Variants in PITPNC1 observed in about 807,000 individuals in gnomAD.
PITPNC1 encodes the protein cytoplasmic phosphatidylinositol transfer protein 1.
A neutral mutation model predicts 44.7 loss-of-function variants in PITPNC1; 18 were observed. The observed-to-expected ratio is 0.40, with a 90% confidence interval of 0.28 to 0.60. PITPNC1 has a LOEUF of 0.60. Ranked by LOEUF, PITPNC1 falls within the 20% of genes least tolerant of loss-of-function variation. PITPNC1 has a pLI of 0.39. For synonymous variants in PITPNC1, 141 were observed against 149.6 expected, an observed-to-expected ratio of 0.94 and a Z score of 0.42; for missense variants, 290 against 418.4, an observed-to-expected ratio of 0.69 and a Z score of 2.68.
intron 1 of PITPNC1, among the ~76,000 whole-genome samples, chr17:67,474,995 G>C (rs1375512991): frequency 6.6e-6 from 1 of 152,144 alleles, no homozygotes; most frequent in Non-Finnish European, 1.5e-5. Flanking sequence ...TAAGATGATG[G>C]CATTCACCTA....
In PITPNC1 at chr17:67,391,341, A is replaced by T. The variant is rs539754866; in HGVS notation, c.48+13139A>T. 2.1e-4 allele frequency among the ~76,000 whole-genome samples: 32 copies of T among 152,036 alleles called. No individual in the cohort carries two copies. In the South Asian group the frequency reaches 3.7e-3, roughly 18 times the overall value. On this transcript the variant is annotated intron_variant, in intron 1 of 8. Transcript: ENST00000581322. Reference sequence around the variant, plus strand: ...TCTCCAAAGACTGTTCCCCCGCCCCATGTCATCTTACACACACACACAGGC... The same window carrying T: ...TCTCCAAAGACTGTTCCCCCGCCCCTTGTCATCTTACACACACACACAGGC...
At chr17:67,414,605 C>G (rs2038559052) in intron 1 of PITPNC1, among the ~76,000 whole-genome samples, 1 of 152,150 alleles carries the variant, frequency 6.6e-6, no homozygotes, top group Admixed American at 6.5e-5. Context: ...AAGGTATTGC[C>G]TATGGATGCT....
rs1555649746 is a variant in PITPNC1 at position 67,425,203 on chromosome 17, G to GCACGCACA, written c.48+47004_48+47005insGCACACAC. On this transcript the variant is annotated intron_variant, in intron 1 of 8. Coordinates refer to ENST00000581322, the MANE Select transcript of PITPNC1 (RefSeq NM_012417.4). ...CCATGTTGTGCGCGCGCACGCACAC[G>GCACGCACA]CACACACACACACACACACACACAC... Among the ~76,000 whole-genome samples, 194 of 98,802 alleles carry GCACGCACA rather than the reference G, an allele frequency of 2.0e-3. 9 individuals carry two copies. The highest frequency in any genetic ancestry group is 3.1e-3 in the Non-Finnish European group (157 of 50,352). The allele number at this position is 98,802 out of a possible 152,430, so 64.8% of individuals were successfully genotyped here.
At chr17:67,635,024 A>G (rs2042017286) in intron 6 of PITPNC1, among the ~76,000 whole-genome samples, 1 of 152,210 alleles carries the variant, frequency 6.6e-6, no homozygotes, top group African/African-American at 2.4e-5. Flanking sequence ...CGGTGGTTAC[A>G]GTGAGCCGAG....
At chr17:67,647,843 C>G (rs2042169666) in intron 6 of PITPNC1, among the ~76,000 whole-genome samples, 1 of 152,084 alleles carries the variant, frequency 6.6e-6, no homozygotes, top group African/African-American at 2.4e-5. Flanking sequence ...CAGTTCTGCT[C>G]CACAGATCTG....
At chr17:67,398,899 C>T (rs2038262203) in intron 1 of PITPNC1, among the ~76,000 whole-genome samples, 1 of 151,828 alleles carries the variant, frequency 6.6e-6, no homozygotes, top group African/African-American at 2.4e-5. Flanking sequence ...ATGAGGCATG[C>T]ACTTATGAAG....
intron 6 of PITPNC1, among the ~76,000 whole-genome samples, chr17:67,647,477 T>TTG (rs2042164316): frequency 8.8e-6 from 1 of 113,004 alleles, no homozygotes; most frequent in African/African-American, 4.7e-5. Flanking sequence ...TTTTTTTTTT[T>TTG]TTTTTTTTTT....
intron 4 of PITPNC1, among the ~76,000 whole-genome samples, chr17:67,566,744 C>T (rs1008009365): frequency 6.6e-6 from 1 of 152,182 alleles, no homozygotes; most frequent in African/African-American, 2.4e-5. Flanking sequence ...TTCACACACA[C>T]ATATTTTCTC....
At chr17:67,484,674 A>G (rs999925437) in intron 1 of PITPNC1, among the ~76,000 whole-genome samples, 2 of 152,204 alleles carry the variant, frequency 1.3e-5, no homozygotes, top group Non-Finnish European at 2.9e-5. Context: ...ACAGTGGCTC[A>G]TGCCTGTAAT....
intron 1 of PITPNC1, among the ~76,000 whole-genome samples, chr17:67,410,839 C>T (rs2038484272): frequency 1.3e-5 from 2 of 151,662 alleles, no homozygotes; most frequent in South Asian, 4.2e-4. Flanking sequence ...AATCCCAGCA[C>T]TTTGGGAGGC....
intron 6 of PITPNC1, among the ~76,000 whole-genome samples, chr17:67,661,746 C>T (rs796159602): frequency 2.6e-5 from 4 of 152,320 alleles, no homozygotes; most frequent in African/African-American, 7.2e-5. Flanking sequence ...CGCCTGTAAT[C>T]CCAGCACTTT....
intron 2 of PITPNC1, among the ~76,000 whole-genome samples, chr17:67,548,606 G>A (rs2040716672): frequency 6.6e-6 from 1 of 152,056 alleles, no homozygotes; most frequent in East Asian, 1.9e-4. Flanking sequence ...AATAAATAAA[G>A]TGAGTAAGAA....
intron 1 of PITPNC1, among the ~76,000 whole-genome samples, chr17:67,478,445 T>G (rs1469922980): frequency 1.3e-5 from 2 of 152,196 alleles, no homozygotes; most frequent in Non-Finnish European, 2.9e-5. Context: ...ACCAAGAGCC[T>G]TGGCTGCTTA....
intron 5 of PITPNC1, among the ~76,000 whole-genome samples, chr17:67,620,350 G>A (rs1214188908): frequency 6.6e-6 from 1 of 152,132 alleles, no homozygotes; most frequent in Non-Finnish European, 1.5e-5. Context: ...CACTGCACCT[G>A]GCCTTAGAAC....
At chr17:67,599,028 ATATATATTTTTT>A (rs1185795086) in intron 5 of PITPNC1, among the ~76,000 whole-genome samples, 1 of 32,626 alleles carries the variant, frequency 3.1e-5, no homozygotes, top group African/African-American at 1.3e-4. Context: ...ATATATATAT[ATATATATTTTTT>A]TTTTTTTTTT....
At chr17:67,581,762 G>A (rs1258397565) in intron 5 of PITPNC1, among the ~76,000 whole-genome samples, 3 of 152,178 alleles carry the variant, frequency 2.0e-5, no homozygotes, top group East Asian at 3.9e-4. Context: ...GCCGAGGCAC[G>A]GTGGCTCACG....
intron 1 of PITPNC1, among the ~76,000 whole-genome samples, chr17:67,495,337 C>T (rs1213906206): frequency 6.6e-6 from 1 of 151,978 alleles, no homozygotes; most frequent in Non-Finnish European, 1.5e-5. Context: ...GGATTACAGG[C>T]ATGAGCCACC....
chr17:67,476,119 A>G (rs944831573), intron 1 of PITPNC1, among the ~76,000 whole-genome samples: 1 of 152,058 alleles, frequency 6.6e-6, no homozygotes, highest in Non-Finnish European at 1.5e-5. Context: ...ATACCAATCC[A>G]TTTATACCAA....
At chr17:67,542,025 C>T (rs1334624995) in intron 2 of PITPNC1, among the ~76,000 whole-genome samples, 2 of 152,162 alleles carry the variant, frequency 1.3e-5, no homozygotes, top group Non-Finnish European at 2.9e-5. Context: ...GGCGGTTGAA[C>T]ATATTGGGTG....
Sources: allele counts gnomAD v4.1 joint callset (sites outside exome capture counted in the v4.1 genomes callset), GRCh38; gene constraint gnomAD v4.1.1; transcripts MANE v1.5; gene names NCBI Gene and HGNC (gene_info 2026-07-23, HGNC 2026-07-21).